Variants in NTM observed in about 807,000 individuals in gnomAD.
The protein encoded by NTM is IgLON family member 2.
NTM carries 13 observed loss-of-function variants against 42.1 expected under a neutral mutation model. The ratio of observed to expected loss-of-function variants is 0.31; its 90% CI spans 0.20 to 0.49. The LOEUF (loss-of-function observed/expected upper bound fraction) is 0.49, where lower values mean the gene tolerates loss of function less well. NTM is among the 20% of genes least tolerant of loss of function. The pLI is 0.99. For missense variants in NTM, 373 were observed against 452.8 expected (o/e 0.82, Z 1.60); for synonymous variants, 187 against 179.2 (o/e 1.04, Z -0.35).
In NTM at chr11:131,450,820, G is replaced by A. The variant is rs11222622; in HGVS notation, c.82+79932G>A. Among the ~76,000 whole-genome samples the A allele has an allele frequency of 3.1e-3, 475 of 152,294 alleles. 9 individuals are homozygous for A. The East Asian group carries it at 0.061, about 19-fold the overall frequency. The stretch of plus-strand genomic sequence containing the variant: ...AATAATTAAATTGAAATCTGTGAAT[G>A]TAGAGTCTAGATTTTTTATAGCCCA... On this transcript the variant is annotated intron_variant, in intron 1 of 8. Coordinates refer to ENST00000683400, the MANE Select transcript of NTM (RefSeq NM_001352005.2).
chr11:132,245,497 G>A (rs117365892), intron 4 of NTM, among the ~76,000 whole-genome samples: 1 of 152,180 alleles, frequency 6.6e-6, no homozygotes, highest in Non-Finnish European at 1.5e-5. Flanking sequence ...AAGAGCAAGC[G>A]GAGCATTTTA....
chr11:131,616,214 C>G (rs1212499545), intron 1 of NTM, among the ~76,000 whole-genome samples: 2 of 152,228 alleles, frequency 1.3e-5, no homozygotes, highest in Non-Finnish European at 2.9e-5. Context: ...CTGCGCAGCA[C>G]TGGGGAGACT....
intron 3 of NTM, among the ~76,000 whole-genome samples, chr11:132,170,977 C>A (rs1454142336): frequency 6.6e-6 from 1 of 152,142 alleles, no homozygotes; most frequent in African/African-American, 2.4e-5. Flanking sequence ...CTGCATTTGT[C>A]TTTGTACTCA....
intron 2 of NTM, among the ~76,000 whole-genome samples, chr11:131,927,610 C>A (rs1395507603): frequency 1.3e-5 from 2 of 152,228 alleles, no homozygotes; most frequent in Non-Finnish European, 1.5e-5. Context: ...CCTTTAAGCA[C>A]ACAGTTTCAA....
intron 2 of NTM, among the ~76,000 whole-genome samples, chr11:132,063,835 G>A (rs969395686): frequency 2.0e-5 from 3 of 152,146 alleles, no homozygotes; most frequent in African/African-American, 7.2e-5. Context: ...ACAAAAAGAG[G>A]CAGACATAGC....
intron 1 of NTM, among the ~76,000 whole-genome samples, chr11:131,438,952 C>T (rs1231443727): frequency 1.3e-5 from 2 of 152,102 alleles, no homozygotes; most frequent in Non-Finnish European, 2.9e-5. Context: ...ATGATGGTGA[C>T]CTATAGATGG....
At chr11:131,945,601 C>T (rs1193649116) in intron 2 of NTM, among the ~76,000 whole-genome samples, 2 of 152,100 alleles carry the variant, frequency 1.3e-5, no homozygotes, top group Admixed American at 1.3e-4. Flanking sequence ...CTAAAATTGC[C>T]AACATTTCAA....
chr11:132,186,434 C>G lies in NTM; in HGVS notation c.401-25588C>G, dbSNP rs75883605. Among the ~76,000 whole-genome samples, 224 of 152,308 alleles carry G rather than the reference C, an allele frequency of 1.5e-3. 1 individual carries two copies. In the East Asian group the frequency reaches 0.029, roughly 19 times the overall value. Reference sequence around the variant, plus strand: ...AGCCAGTCTTGGATCTCTAACGCAGCCTTCTCTTTTTAGTTTGACTGGTAT... The same window carrying G: ...AGCCAGTCTTGGATCTCTAACGCAGGCTTCTCTTTTTAGTTTGACTGGTAT... On this transcript the variant is annotated intron_variant, in intron 3 of 8. Transcript: ENST00000683400.
At chr11:131,616,858 C>T (rs2061995229) in intron 1 of NTM, among the ~76,000 whole-genome samples, 1 of 150,896 alleles carries the variant, frequency 6.6e-6, no homozygotes, top group Non-Finnish European at 1.5e-5. Context: ...ATGCACCTTC[C>T]CTTCATGCAG....
intron 3 of NTM, among the ~76,000 whole-genome samples, chr11:132,191,951 T>C (rs566234989): frequency 3.0e-4 from 46 of 152,184 alleles, no homozygotes; most frequent in African/African-American, 1.0e-3. Flanking sequence ...TTTGAATAAA[T>C]GCAGGCAAAA....
chr11:131,634,510 C>G (rs1441712843), intron 1 of NTM, among the ~76,000 whole-genome samples: 1 of 152,092 alleles, frequency 6.6e-6, no homozygotes, highest in African/African-American at 2.4e-5. Flanking sequence ...AATGCACTGA[C>G]CAAAATATGT....
At chr11:132,251,798 A>G (rs1014425074) in intron 4 of NTM, among the ~76,000 whole-genome samples, 3 of 152,104 alleles carry the variant, frequency 2.0e-5, no homozygotes, top group Non-Finnish European at 4.4e-5. Context: ...CAAGCCTACT[A>G]CTTATGTGTG....
rs372075899 is a variant in NTM, at chr11:131,531,903, T to C, written c.82+161015T>C. 2.0e-3 allele frequency among the ~76,000 whole-genome samples: 309 copies of C among 152,234 alleles called. 1 individual carries two copies. The highest frequency in any genetic ancestry group is 7.2e-3 in the African/African-American group (297 of 41,534). Reference sequence around the variant, plus strand: ...ACAGAAGGAACCGCATGCACAGAAGTGTGGAGTCTGACAGCTCCTGCATTT... The same window carrying C: ...ACAGAAGGAACCGCATGCACAGAAGCGTGGAGTCTGACAGCTCCTGCATTT... On this transcript the variant is annotated intron_variant, in intron 1 of 8. Transcript: ENST00000683400.
chr11:131,549,795 A>T (rs2054418909), intron 1 of NTM, among the ~76,000 whole-genome samples: 1 of 152,220 alleles, frequency 6.6e-6, no homozygotes, highest in Non-Finnish European at 1.5e-5. Context: ...GCTGGGGAAA[A>T]AATAAAATAT....
intron 1 of NTM, among the ~76,000 whole-genome samples, chr11:131,768,895 T>C (rs2135892819): frequency 1.3e-5 from 2 of 152,340 alleles, no homozygotes; most frequent in Middle Eastern, 3.4e-3. Flanking sequence ...ACAAATAATA[T>C]GCCCTAGACA....
At chr11:132,326,133 A>T (rs11223013) in intron 7 of NTM, among the ~76,000 whole-genome samples, 1 of 151,912 alleles carries the variant, frequency 6.6e-6, no homozygotes, top group Non-Finnish European at 1.5e-5. Context: ...AAACCTGCAC[A>T]TTGTGCACAT....
At chr11:131,528,654 G>A (rs1449212133) in intron 1 of NTM, among the ~76,000 whole-genome samples, 2 of 152,130 alleles carry the variant, frequency 1.3e-5, no homozygotes, top group East Asian at 1.9e-4. Flanking sequence ...TAATCTCCTC[G>A]AAATAATTGA....
chr11:131,506,277 C>G (rs2047479814), intron 1 of NTM, among the ~76,000 whole-genome samples: 1 of 152,184 alleles, frequency 6.6e-6, no homozygotes, highest in African/African-American at 2.4e-5. Context: ...CCAAGGACAT[C>G]TGGTGCCTGA....
At chr11:131,596,811 A>G (rs1044752625) in intron 1 of NTM, among the ~76,000 whole-genome samples, 8 of 152,210 alleles carry the variant, frequency 5.3e-5, no homozygotes, top group African/African-American at 1.9e-4. Context: ...AACTAATGGA[A>G]TATATATACG....
Sources: gnomAD v4.1 joint callset for allele counts (sites outside exome capture counted in the v4.1 genomes callset) on GRCh38, gnomAD v4.1.1 for gene constraint, MANE v1.5 for transcripts, NCBI Gene and HGNC (gene_info 2026-07-23, HGNC 2026-07-21) for gene names.